KIF1B: variants seen among roughly 807,000 people sequenced by gnomAD.
The protein encoded by KIF1B is kinesin family member 1B.
KIF1B carries 76 observed loss-of-function variants against 241.9 expected under a neutral mutation model. The ratio of observed to expected loss-of-function variants is 0.31; its 90% CI spans 0.26 to 0.38. The LOEUF (loss-of-function observed/expected upper bound fraction) is 0.38. Ranked by LOEUF, KIF1B falls within the 10% of genes least tolerant of loss-of-function variation. The pLI is 1.00. For missense variants in KIF1B, 1,622 were observed against 2,271.4 expected, an observed-to-expected ratio of 0.71 and a Z score of 5.81; for synonymous variants, 750 against 796.7, an observed-to-expected ratio of 0.94 and a Z score of 0.99.
chr1:10,268,365 G>T, intron 7 of KIF1B, 102 bp downstream of exon 7: 1 of 788,704 alleles, frequency 1.3e-6, no homozygotes. Context: ...GGTGTTGGGG[G>T]GTGCTCTTTT....
chr1:10,223,290 A>G (rs1646868450), intron 1 of KIF1B, among the ~76,000 whole-genome samples: 1 of 152,102 alleles, frequency 6.6e-6, no homozygotes, highest in Admixed American at 6.6e-5. Flanking sequence ...AACAAAAAGC[A>G]CCTCTGTAAA....
intron 41 of KIF1B, among the ~76,000 whole-genome samples, chr1:10,363,707 A>G (rs552095645): frequency 3.3e-5 from 5 of 152,194 alleles, no homozygotes; most frequent in African/African-American, 1.2e-4. Flanking sequence ...AAGAAAAAGA[A>G]AAAAAAATCA....
chr1:10,321,647 A>G, intron 23 of KIF1B, 62 bp from the exon 24 acceptor site: 1 of 1,517,866 alleles, frequency 6.6e-7, no homozygotes, highest in African/African-American at 1.4e-5. Context: ...AAGCTAGAAG[A>G]GAGGTGTAAT....
chr1:10,331,167 A>T (rs1258427685), intron 27 of KIF1B, among the ~76,000 whole-genome samples: 1 of 152,038 alleles, frequency 6.6e-6, no homozygotes, highest in African/African-American at 2.4e-5. Context: ...GGCAGGGGAC[A>T]TGTGCGATGG....
chr1:10,354,535 T>C (rs1025806682), intron 38 of KIF1B, among the ~76,000 whole-genome samples: 3 of 152,252 alleles, frequency 2.0e-5, no homozygotes, highest in African/African-American at 7.2e-5. Flanking sequence ...CAGTTATTTT[T>C]AAACAACTCA....
intron 5 of KIF1B, 129 bp from the exon 6 acceptor site, chr1:10,267,251 C>T (rs563068997): frequency 4.8e-5 from 35 of 728,992 alleles, no homozygotes; most frequent in Admixed American, 6.2e-5. Flanking sequence ...ACTCGTAGTT[C>T]GAGTGATCTC....
rs61778380 is a variant in KIF1B, at chr1:10,349,898, C to T, written c.3949+1165C>T. ...AAAGGAAACCGATAATATTGAAATA[C>T]AGTTGTTAAAACATTAAGCTCTTCT... is the stretch of plus-strand genomic sequence containing the variant. On this transcript the variant is annotated intron_variant, in intron 37 of 48. Transcript: ENST00000676179. Among the ~76,000 whole-genome samples, 1,211 of 152,312 alleles carry T rather than the reference C, an allele frequency of 8.0e-3. 15 individuals carry two copies. Among genetic ancestry groups the T allele is most frequent in the African/African-American group, 0.027 (1,122 of 41,572 alleles).
chr1:10,221,625 A>G (rs1227497584), intron 1 of KIF1B, among the ~76,000 whole-genome samples: 1 of 152,164 alleles, frequency 6.6e-6, no homozygotes, highest in African/African-American at 2.4e-5. Flanking sequence ...GAGAGATGCA[A>G]AATGTGATAT....
chr1:10,319,928 T>A, intron 22 of KIF1B, 115 bp from the exon 23 acceptor site: 1 of 715,594 alleles, frequency 1.4e-6, no homozygotes, highest in Non-Finnish European at 2.5e-6. Flanking sequence ...CCTGCCTTTG[T>A]CTCTTTTCCT....
intron 28 of KIF1B, among the ~76,000 whole-genome samples, chr1:10,336,058 A>G: frequency 6.6e-6 from 1 of 152,346 alleles, no homozygotes; most frequent in East Asian, 1.9e-4. Flanking sequence ...TAATATTTTC[A>G]AATACTTGTT....
chr1:10,351,384 A>T (rs868575572), intron 37 of KIF1B, among the ~76,000 whole-genome samples: 7 of 152,166 alleles, frequency 4.6e-5, no homozygotes, highest in Non-Finnish European at 7.3e-5. Context: ...ACAAACTCTG[A>T]TGTAGTATTT....
intron 1 of KIF1B, among the ~76,000 whole-genome samples, chr1:10,215,040 TACTC>T (rs1646744608): frequency 6.6e-6 from 1 of 150,802 alleles, no homozygotes; most frequent in African/African-American, 2.4e-5. Flanking sequence ...TATTATCTAA[TACTC>T]AATTGGTACT....
chr1:10,278,151 C>G, intron 13 of KIF1B, 23 bp downstream of exon 13: 3 of 1,610,624 alleles, frequency 1.9e-6, no homozygotes, highest in Non-Finnish European at 2.5e-6. Flanking sequence ...AGGATCGTTA[C>G]AAAATCTAAT....
rs576034239 is a variant in KIF1B, at chr1:10,255,892, C to G, written c.107-355C>G. ...ACATCCTCAAACCTCCAGGCTCAAG[C>G]CATCCTCCGACCTCAGCTTCCTAAG... On this transcript the variant is annotated intron_variant, in intron 2 of 48. Transcript: ENST00000676179. Among the ~76,000 whole-genome samples, 7 of 152,106 alleles carry G rather than the reference C, an allele frequency of 4.6e-5. No individual in the cohort carries two copies. The South Asian group carries it at 1.5e-3, about 32-fold the overall frequency.
In KIF1B at chr1:10,378,964, T is replaced by G. The variant is rs962238143; in HGVS notation, c.*2377T>G. On this transcript the variant is annotated 3_prime_UTR_variant, in exon 49 of 49. Transcript: ENST00000676179. Reference sequence around the variant, plus strand: ...CTAAGTGGTATGTGAGATTTTCTAATGTAGTTAGAAGTTTCATTGTCTGAT... The same window carrying G: ...CTAAGTGGTATGTGAGATTTTCTAAGGTAGTTAGAAGTTTCATTGTCTGAT... 1 of 232,990 alleles carries G rather than the reference T, an allele frequency of 4.3e-6. No individual in the cohort carries two copies. Among genetic ancestry groups the G allele is most frequent in the East Asian group, 6.1e-5 (1 of 16,452 alleles). 14.4% of individuals were successfully genotyped at this position (232,990 alleles called of 1,614,324 possible).
intron 13 of KIF1B, 68 bp from the exon 14 acceptor site, chr1:10,279,029 C>A: frequency 8.6e-7 from 1 of 1,156,674 alleles, no homozygotes; most frequent in Non-Finnish European, 1.3e-6. Context: ...CTGCTCTGTT[C>A]CCTCTCTGTG....
intron 2 of KIF1B, among the ~76,000 whole-genome samples, chr1:10,234,527 TC>T (rs1353235069): frequency 6.6e-6 from 1 of 151,280 alleles, no homozygotes; most frequent in Non-Finnish European, 1.5e-5. Context: ...GTTTGTTTTT[TC>T]TTTTTTTTTT....
At chr1:10,289,990 A>G (rs1236040498) in intron 15 of KIF1B, among the ~76,000 whole-genome samples, 1 of 152,166 alleles carries the variant, frequency 6.6e-6, no homozygotes, top group Admixed American at 6.5e-5. Context: ...TGACATATCC[A>G]TAGGTGCCTT....
intron 2 of KIF1B, among the ~76,000 whole-genome samples, chr1:10,248,018 C>T (rs1389541235): frequency 6.6e-6 from 1 of 152,220 alleles, no homozygotes. Context: ...TGTTGCTCAC[C>T]TCCTCCTGTG....
Sources: allele counts gnomAD v4.1 joint callset (sites outside exome capture counted in the v4.1 genomes callset), GRCh38; gene constraint gnomAD v4.1.1; transcripts MANE v1.5; gene names NCBI Gene and HGNC (gene_info 2026-07-23, HGNC 2026-07-21).